Variants in ADARB1 observed in about 807,000 individuals in gnomAD.
ADARB1 encodes double-stranded RNA-specific editase 1.
Under a neutral mutation model 52.4 loss-of-function variants are expected in ADARB1, and 10 were observed. The observed-to-expected ratio is 0.19, with a 90% CI of 0.12 to 0.32. The LOEUF (loss-of-function observed/expected upper bound fraction) is 0.32, where lower values mean the gene tolerates loss of function less well. Among genes scored for constraint, ADARB1 ranks in the 10% least tolerant of loss-of-function variants. The pLI is 1.00. For missense variants in ADARB1, 643 were observed against 922.3 expected (o/e 0.70, Z 3.92); for synonymous variants, 349 against 371.1 (o/e 0.94, Z 0.68).
chr21:45,139,635 C>A (rs1301342367), intron 2 of ADARB1, among the ~76,000 whole-genome samples: 1 of 152,178 alleles, frequency 6.6e-6, no homozygotes, highest in Admixed American at 6.5e-5. Flanking sequence ...GCGCAGCGAG[C>A]GTGGTGAGTG....
chr21:45,081,874 CAG>C (rs1213145769), intron 1 of ADARB1, among the ~76,000 whole-genome samples: 1 of 152,170 alleles, frequency 6.6e-6, no homozygotes, highest in Non-Finnish European at 1.5e-5. Context: ...ATTGTCCAGT[CAG>C]GGGCTAGGAG....
chr21:45,200,296 G>A lies in ADARB1; in HGVS notation c.1566-4259G>A, dbSNP rs1337189770. Among the ~76,000 whole-genome samples the A allele has an allele frequency of 2.0e-5, 3 of 152,262 alleles. No homozygotes were observed. The highest frequency in any genetic ancestry group is 1.3e-4 in the Admixed American group (2 of 15,290). On this transcript the variant is annotated intron_variant, in intron 8 of 10. Transcript: ENST00000348831. The surrounding 1 kb of genome is among the most constrained non-coding windows in gnomAD (Gnocchi z 5.0). Reference sequence around the variant, plus strand: ...CCATCCCACTGGCAGGCAGTTTGGCGGTGAATGCAGCCCCAGAGAGTTGTC... The same window carrying A: ...CCATCCCACTGGCAGGCAGTTTGGCAGTGAATGCAGCCCCAGAGAGTTGTC...
intron 8 of ADARB1, among the ~76,000 whole-genome samples, chr21:45,198,798 A>T (rs902810266): frequency 2.0e-5 from 3 of 152,250 alleles, no homozygotes; most frequent in African/African-American, 7.2e-5. Flanking sequence ...ATGGAAATAC[A>T]CATTTATACA....
intron 8 of ADARB1, among the ~76,000 whole-genome samples, chr21:45,195,213 G>C (rs1252853508): frequency 6.6e-6 from 1 of 152,062 alleles, no homozygotes; most frequent in Non-Finnish European, 1.5e-5. Context: ...CTTGAATGAC[G>C]TGTCTGTTAA....
chr21:45,075,063 C>T (rs1296922433), intron 1 of ADARB1, among the ~76,000 whole-genome samples: 1 of 150,390 alleles, frequency 6.6e-6, no homozygotes, highest in South Asian at 2.1e-4. Context: ...GCCGAGTCCG[C>T]GTGGGATGCG....
chr21:45,211,093 T>C (rs2092760037), intron 9 of ADARB1, among the ~76,000 whole-genome samples: 1 of 152,222 alleles, frequency 6.6e-6, no homozygotes, highest in Non-Finnish European at 1.5e-5. Flanking sequence ...GACAAGGCAC[T>C]TCCGAGCTGG....
intron 1 of ADARB1, among the ~76,000 whole-genome samples, chr21:45,088,403 T>C (rs1305958475): frequency 6.6e-6 from 1 of 152,124 alleles, no homozygotes; most frequent in Non-Finnish European, 1.5e-5. Flanking sequence ...GCGGGTCAAT[T>C]TGAGCAAGGA....
intron 1 of ADARB1, among the ~76,000 whole-genome samples, chr21:45,111,423 G>A (rs2087528429): frequency 6.6e-6 from 1 of 151,904 alleles, no homozygotes; most frequent in South Asian, 2.1e-4. Flanking sequence ...ATCCGTATCC[G>A]GAGCCGTGTA....
chr21:45,176,055 G>A lies in ADARB1; in HGVS notation c.354G>A (p.Gln118=). The A allele has an allele frequency of 6.2e-7, 1 of 1,614,192 alleles. No homozygotes were observed. The highest frequency in any genetic ancestry group is 8.5e-7 in the Non-Finnish European group (1 of 1,180,024). The change falls in exon 4 of 11, where the codon CAG becomes CAA. Residue 118 remains glutamine (Q), a synonymous_variant. Coordinates refer to ENST00000348831, the MANE Select transcript of ADARB1 (RefSeq NM_001112.4). The surrounding 1 kb of genome is among the most constrained non-coding windows in gnomAD (Gnocchi z 5.8). ...TCATGTCTGTGGAGGTGAATGGCCA[G>A]GTTTTTGAGGGCTCTGGTCCCACAA... is the stretch of plus-strand genomic sequence containing the variant. ...LFVMSVEVNG[Q]VFEGSGPTKK...
chr21:45,208,667 CGTGT>C lies in ADARB1; in HGVS notation c.1747+3936_1747+3939del, dbSNP rs2092710712. On this transcript the variant is annotated intron_variant, in intron 9 of 10. Transcript: ENST00000348831. The surrounding 1 kb of genome is among the most constrained non-coding windows in gnomAD (Gnocchi z 5.6). The stretch of plus-strand genomic sequence containing the variant: ...GTGCATGTGAGTGTGTGCATGAGTG[CGTGT>C]GTGTATGAGTGTGTGTGCATGTGTG... Among the ~76,000 whole-genome samples, 1 of 150,904 alleles carries C rather than the reference CGTGT, an allele frequency of 6.6e-6. No individual in the cohort carries two copies. Among genetic ancestry groups the C allele is most frequent in the East Asian group, 1.9e-4 (1 of 5,138 alleles).
At chr21:45,134,494 C>T (rs1317098276) in intron 2 of ADARB1, among the ~76,000 whole-genome samples, 2 of 151,740 alleles carry the variant, frequency 1.3e-5, no homozygotes, top group African/African-American at 4.8e-5. Flanking sequence ...GGTACGTACA[C>T]TCGGGGTGTG....
intron 1 of ADARB1, among the ~76,000 whole-genome samples, chr21:45,115,429 G>A (rs960107878): frequency 3.9e-5 from 6 of 152,226 alleles, no homozygotes; most frequent in Non-Finnish European, 7.3e-5. Flanking sequence ...CGGTCAGGGC[G>A]ATGTCTCTGG....
At chr21:45,174,682 AATACATACATACATACATAC>A (rs59024130) in intron 3 of ADARB1, among the ~76,000 whole-genome samples, 11 of 148,832 alleles carry the variant, frequency 7.4e-5, no homozygotes, top group East Asian at 3.9e-4. Context: ...CAGTCTCAAA[AATACATACATACATACATAC>A]ATACATACAT....
intron 2 of ADARB1, among the ~76,000 whole-genome samples, chr21:45,158,503 T>A (rs191201354): frequency 2.0e-5 from 3 of 152,176 alleles, no homozygotes; most frequent in Non-Finnish European, 4.4e-5. Flanking sequence ...ATTTGCAAAA[T>A]TGGGTCAGAG....
intron 8 of ADARB1, among the ~76,000 whole-genome samples, chr21:45,195,379 C>G (rs2092401771): frequency 6.6e-6 from 1 of 152,136 alleles, no homozygotes; most frequent in South Asian, 2.1e-4. Context: ...ACTCCCTTGT[C>G]TTTCACAGAG....
Position 45,224,538 on chromosome 21 carries a change from C to G in ADARB1, c.*2341C>G. On this transcript the variant is annotated 3_prime_UTR_variant, in exon 11 of 11. Transcript: ENST00000348831. ...GGAACTGGGTTCGGGGAGCCCTGGG[C>G]GGGGCGGCTGTTGGGGGGAACTGGG... The G allele has an allele frequency of 9.9e-7, 1 of 1,008,598 alleles. No individual in the cohort carries two copies. The highest frequency in any genetic ancestry group is 1.2e-6 in the Non-Finnish European group (1 of 834,796). 62.5% of individuals were successfully genotyped at this position (1,008,598 alleles called of 1,614,324 possible). A position where few individuals can be genotyped will look rare whatever the true frequency, so the allele number is the denominator to read the frequency against.
chr21:45,075,547 T>C (rs2085895833), intron 1 of ADARB1, among the ~76,000 whole-genome samples: 1 of 152,266 alleles, frequency 6.6e-6, no homozygotes, highest in Admixed American at 6.5e-5. Flanking sequence ...GCCGGGCGTC[T>C]GCAGCGATCG....
intron 2 of ADARB1, among the ~76,000 whole-genome samples, chr21:45,139,433 C>T (rs1442380184): frequency 3.9e-5 from 6 of 152,022 alleles, no homozygotes; most frequent in South Asian, 2.1e-4. Flanking sequence ...TTTTTGGTTC[C>T]GTTTTCTCTT....
chr21:45,089,917 A>G (rs1327404622), intron 1 of ADARB1, among the ~76,000 whole-genome samples: 2 of 152,164 alleles, frequency 1.3e-5, no homozygotes, highest in Non-Finnish European at 2.9e-5. Context: ...CTTCCCCTGT[A>G]TTAATTGGCT....
Sources: gnomAD v4.1 joint callset for allele counts (sites outside exome capture counted in the v4.1 genomes callset) on GRCh38, gnomAD v4.1.1 for gene constraint, Gnocchi (gnomAD v3.1) non-coding constraint, MANE v1.5 for transcripts, NCBI Gene and HGNC (gene_info 2026-07-23, HGNC 2026-07-21) for gene names.